Variants in NR4A1 observed in about 807,000 individuals in gnomAD.
NR4A1 encodes the protein nuclear receptor subfamily 4immunitygroup A member 1.
In NR4A1, 24 loss-of-function variants were observed where a neutral mutation model predicts 47.5. The observed-to-expected ratio is 0.50, with a 90% CI of 0.37 to 0.71. The LOEUF (loss-of-function observed/expected upper bound fraction) is 0.71, where lower values mean the gene tolerates loss of function less well. NR4A1 is among the 30% of genes least tolerant of loss of function. The pLI, the probability that NR4A1 is intolerant of heterozygous loss-of-function variation, is 0.00. For missense variants in NR4A1, 669 were observed against 788.6 expected, an observed-to-expected ratio of 0.85 and a Z score of 1.82; for synonymous variants, 353 against 345.7, an observed-to-expected ratio of 1.02 and a Z score of -0.24.
At position 52,059,209 on chromosome 12, in the gene NR4A1, T is replaced by G; in HGVS notation, c.*265T>G. The G allele has an allele frequency of 2.1e-6, 1 of 484,330 alleles. No homozygotes were observed. Among genetic ancestry groups the G allele is most frequent in the Non-Finnish European group, 3.7e-6 (1 of 273,692 alleles). 30.0% of individuals were successfully genotyped at this position (484,330 alleles called of 1,614,324 possible). ...TGTAAGATAAACCGTTTTTAACACA[T>G]AGCGCCGTGCTGTAAATAAGCCCAG... On this transcript the variant is annotated 3_prime_UTR_variant, in exon 7 of 7. Transcript: ENST00000394825.
In NR4A1 at chr12:52,055,152, C is replaced by T. The variant is rs1939192399; in HGVS notation, c.824C>T (p.Ser275Leu). Residue 275 changes from serine (S) to leucine (L), a missense_variant, in exon 2 of 7, where the codon TCA (serine) becomes TTA (leucine). Physicochemically the swap from Ser to Leu is moderately radical, Grantham distance 145. Coordinates refer to ENST00000394825, the MANE Select transcript of NR4A1 (RefSeq NM_173157.3). The stretch of plus-strand genomic sequence containing the variant: ...TGTGCTGTGTGTGGGGACAACGCTT[C>T]ATGCCAGCATTATGGTGTCCGCACA... ...GRCAVCGDNA[S>L]CQHYGVRTCE... 4 of 1,614,010 alleles carry T rather than the reference C, an allele frequency of 2.5e-6. No homozygotes were observed. The highest frequency in any genetic ancestry group is 3.4e-6 in the Non-Finnish European group (4 of 1,180,042).
intron 1 of NR4A1, chr12:52,041,722 C>G: frequency 2.4e-6 from 3 of 1,232,866 alleles, no homozygotes; most frequent in Non-Finnish European, 3.1e-6. Context: ...GCCACTGCTC[C>G]CATTCCTGCG....
chr12:52,029,954 C>T (rs1440990188), intron 1 of NR4A1, among the ~76,000 whole-genome samples: 1 of 152,336 alleles, frequency 6.6e-6, no homozygotes, highest in East Asian at 1.9e-4. Context: ...GCCAGCCCTC[C>T]TACAGCCCTC....
chr12:52,054,069 T>A, intron 1 of NR4A1: 1 of 507,864 alleles, frequency 2.0e-6, no homozygotes, highest in Non-Finnish European at 3.5e-6. Flanking sequence ...GTTCCCAGGC[T>A]GACTAGGGTG....
At chr12:52,049,483 G>A (rs1368732797), upstream of NR4A1, among the ~76,000 whole-genome samples, 1 of 152,200 alleles carries the variant, frequency 6.6e-6, no homozygotes, top group East Asian at 1.9e-4. Context: ...TGAGGCATGG[G>A]CTGTGGCTGG....
intron 1 of NR4A1, among the ~76,000 whole-genome samples, chr12:52,029,189 G>C (rs1412819431): frequency 2.0e-5 from 3 of 152,188 alleles, no homozygotes; most frequent in African/African-American, 7.2e-5. Flanking sequence ...AATGACAGGA[G>C]GGACGCATAC....
chr12:52,045,246 G>A (rs1014095867), intron 2 of NR4A1, among the ~76,000 whole-genome samples: 1 of 152,234 alleles, frequency 6.6e-6, no homozygotes, highest in Non-Finnish European at 1.5e-5. Flanking sequence ...CCGTCCAGCT[G>A]AGGACCCTGC....
At chr12:52,037,885 G>T in intron 1 of NR4A1, 1 of 983,600 alleles carries the variant, frequency 1.0e-6, no homozygotes, top group East Asian at 1.2e-4. Context: ...AGGACTCGGG[G>T]CTTGTGTCTC....
rs1814467973 is a variant in NR4A1, at chr12:52,056,302, G to A, written c.1006+143G>A. ...CCACCTCTGAACCCCAGGCCTTGGA[G>A]GGAGGCAGCCTACACCTGCCTGGAT... On this transcript the variant is annotated intron_variant, in intron 3 of 6. Transcript: ENST00000394825. The A allele has an allele frequency of 2.9e-6, 4 of 1,399,800 alleles. No homozygotes were observed. In the African/African-American group the frequency reaches 4.4e-5, roughly 15 times the overall value. 86.7% of individuals were successfully genotyped at this position (1,399,800 alleles called of 1,614,324 possible). A position where few individuals can be genotyped will look rare whatever the true frequency, so the allele number is the denominator to read the frequency against.
intron 2 of NR4A1, 147 bp downstream of exon 2, chr12:52,055,351 T>C: frequency 1.0e-6 from 1 of 1,004,422 alleles, no homozygotes; most frequent in Non-Finnish European, 1.4e-6. Flanking sequence ...GTGGGCCGCC[T>C]TCCTGGAGAC....
At chr12:52,054,215 A>G (rs1394398554) in intron 1 of NR4A1, 112 bp from the exon 2 acceptor site, 6 of 890,452 alleles carry the variant, frequency 6.7e-6, no homozygotes, top group African/African-American at 3.4e-5. Context: ...TCTCATCTTT[A>G]GGCTGGGATT....
chr12:52,059,081 G>T lies in NR4A1; in HGVS notation c.*137G>T. On this transcript the variant is annotated 3_prime_UTR_variant, in exon 7 of 7. Coordinates refer to ENST00000394825, the MANE Select transcript of NR4A1 (RefSeq NM_173157.3). Reference sequence around the variant, plus strand: ...CTCCACCTTCTCACCTGCTCCAGGAGGTTTGCAGGGAGCTCAAGCCCTTGG... The same window carrying T: ...CTCCACCTTCTCACCTGCTCCAGGATGTTTGCAGGGAGCTCAAGCCCTTGG... 1 of 1,153,728 alleles carries T rather than the reference G, an allele frequency of 8.7e-7. No homozygotes were observed. The allele number at this position is 1,153,728 out of a possible 1,614,324, so 71.5% of individuals were successfully genotyped here.
Position 52,054,628 on chromosome 12 carries a change from CT to C in NR4A1, c.302del (p.Phe101SerfsTer16). On this transcript the variant is annotated frameshift_variant, in exon 2 of 7. Transcript: ENST00000394825. LOFTEE classifies it high-confidence loss of function. The part of the protein sequence containing the change: ...SSATSPASAS[F>X]KFEDFQVYGC... Reference sequence around the variant, plus strand: ...CAGCCACCTCCCCTGCCTCTGCCTCCTTCAAGTTCGAGGACTTCCAGGTGTA... The same window carrying C: ...CAGCCACCTCCCCTGCCTCTGCCTCCTCAAGTTCGAGGACTTCCAGGTGTA... 1 of 1,614,178 alleles carries C rather than the reference CT, an allele frequency of 6.2e-7. No homozygotes were observed. Among genetic ancestry groups the C allele is most frequent in the Non-Finnish European group, 8.5e-7 (1 of 1,180,014 alleles).
intron 1 of NR4A1, among the ~76,000 whole-genome samples, chr12:52,031,870 C>T (rs553512045): frequency 4.7e-5 from 7 of 149,188 alleles, no homozygotes; most frequent in African/African-American, 1.5e-4. Context: ...ACCTTCGGCT[C>T]ACTGCAATTT....
At chr12:52,047,903 C>A (rs1412166042), upstream of NR4A1, among the ~76,000 whole-genome samples, 1 of 152,110 alleles carries the variant, frequency 6.6e-6, no homozygotes, top group Non-Finnish European at 1.5e-5. Context: ...GCCTGTAATC[C>A]CAGCACTTTG....
At chr12:52,048,420 C>T (rs1938757871), upstream of NR4A1, among the ~76,000 whole-genome samples, 2 of 151,954 alleles carry the variant, frequency 1.3e-5, no homozygotes, top group African/African-American at 2.4e-5. Flanking sequence ...CAGTGAAACC[C>T]CGTCTCTGCT....
upstream of NR4A1, among the ~76,000 whole-genome samples, chr12:52,048,543 G>T (rs1349214702): frequency 1.3e-5 from 2 of 152,160 alleles, no homozygotes; most frequent in Non-Finnish European, 1.5e-5. Context: ...GCAGTGAGCC[G>T]AGATAGTGCC....
intron 1 of NR4A1, chr12:52,037,436 G>C: frequency 1.0e-6 from 1 of 986,110 alleles, no homozygotes; most frequent in Non-Finnish European, 1.2e-6. Context: ...CGGAGCCCGC[G>C]GGGCCAGGTG....
upstream of NR4A1, among the ~76,000 whole-genome samples, chr12:52,050,822 C>T (rs1221191700): frequency 1.3e-5 from 2 of 152,228 alleles, no homozygotes; most frequent in Admixed American, 6.5e-5. Flanking sequence ...GCAGGCTCCC[C>T]AGGGTGTGTC....
Sources: gnomAD v4.1 joint callset for allele counts (sites outside exome capture counted in the v4.1 genomes callset) on GRCh38, gnomAD v4.1.1 for gene constraint, MANE v1.5 for transcripts, NCBI Gene and HGNC (gene_info 2026-07-23, HGNC 2026-07-21) for gene names.